The following IL1RL2 variants were observed in gnomAD, a reference collection of about 807,000 sequenced individuals.
IL1RL2 encodes the protein interleukin 1 receptor like 2, also known as interleukin-1 receptor-like 2.
Under a neutral mutation model 66.8 loss-of-function variants are expected in IL1RL2, and 68 were observed. The ratio of observed to expected loss-of-function variants is 1.02; its 90% CI spans 0.84 to 1.25. The LOEUF (loss-of-function observed/expected upper bound fraction) is 1.25, where lower values mean the gene tolerates loss of function less well. IL1RL2 is among the 50% of genes most tolerant of loss of function. The pLI is 0.00. For synonymous variants in IL1RL2, 305 were observed against 264.6 expected (o/e 1.15, Z -1.48); for missense variants, 729 against 709.3 (o/e 1.03, Z -0.32).
chr2:102,218,862 C>T (rs1232143901), intron 6 of IL1RL2, 91 bp from the exon 7 acceptor site: 15 of 1,112,126 alleles, frequency 1.3e-5, no homozygotes, highest in African/African-American at 3.1e-5. Context: ...ATTCGAGGCT[C>T]GAGAGTACGA....
intron 11 of IL1RL2, among the ~76,000 whole-genome samples, 198 bp from the exon 12 acceptor site, chr2:102,238,994 G>A (rs139604188): frequency 5.9e-5 from 9 of 152,292 alleles, no homozygotes; most frequent in Admixed American, 1.3e-4. Context: ...AAAGGTGAGA[G>A]TTGACACTGC....
At chr2:102,211,547 C>T (rs1212204734) in intron 5 of IL1RL2, among the ~76,000 whole-genome samples, 1 of 152,170 alleles carries the variant, frequency 6.6e-6, no homozygotes, top group Non-Finnish European at 1.5e-5. Context: ...TTCATCTTTA[C>T]CTCTACCCAT....
chr2:102,187,562 G>A (rs898076878), intron 1 of IL1RL2, among the ~76,000 whole-genome samples: 3 of 152,148 alleles, frequency 2.0e-5, no homozygotes, highest in African/African-American at 7.2e-5. Context: ...GCTGTCAGGT[G>A]GCAGAAGCAG....
intron 6 of IL1RL2, among the ~76,000 whole-genome samples, chr2:102,216,129 A>G (rs890381633): frequency 4.6e-5 from 7 of 152,252 alleles, no homozygotes; most frequent in Admixed American, 1.3e-4. Context: ...AATACAAGCA[A>G]ATAATTTAAT....
chr2:102,243,051 C>T (rs1242830603), downstream of IL1RL2, among the ~76,000 whole-genome samples: 1 of 152,230 alleles, frequency 6.6e-6, no homozygotes, highest in African/African-American at 2.4e-5. Context: ...GTGTCCCAGG[C>T]TCAAGCCTGA....
At chr2:102,243,073 G>A (rs146509116), downstream of IL1RL2, among the ~76,000 whole-genome samples, 19 of 152,294 alleles carry the variant, frequency 1.2e-4, no homozygotes, top group African/African-American at 4.6e-4. Context: ...TTCCTAGTTT[G>A]GTAATGACAC....
chr2:102,210,329 C>G (rs181652569), intron 5 of IL1RL2, among the ~76,000 whole-genome samples: 1 of 152,234 alleles, frequency 6.6e-6, no homozygotes, highest in East Asian at 1.9e-4. Flanking sequence ...GGGCCAAGAT[C>G]AAGTAGGAAC....
intron 8 of IL1RL2, 38 bp from the exon 9 acceptor site, chr2:102,225,860 A>T: frequency 7.0e-7 from 1 of 1,426,294 alleles, no homozygotes; most frequent in Non-Finnish European, 9.3e-7. Flanking sequence ...TCATTATTAT[A>T]ATTATAATTA....
chr2:102,218,805 A>G (rs755782959), intron 6 of IL1RL2, 148 bp from the exon 7 acceptor site: 13 of 694,766 alleles, frequency 1.9e-5, no homozygotes, highest in Non-Finnish European at 2.4e-5. Flanking sequence ...GAAAGAAAAA[A>G]GTAGATTAAC....
At chr2:102,222,225 G>A (rs1174225489) in intron 8 of IL1RL2, among the ~76,000 whole-genome samples, 3 of 152,156 alleles carry the variant, frequency 2.0e-5, no homozygotes, top group Non-Finnish European at 4.4e-5. Flanking sequence ...ATTAATTTAC[G>A]TTGCCGTATC....
At chr2:102,199,296 T>C (rs367624692) in intron 4 of IL1RL2, among the ~76,000 whole-genome samples, 1 of 152,226 alleles carries the variant, frequency 6.6e-6, no homozygotes, top group African/African-American at 2.4e-5. Context: ...ATTGTCTTAT[T>C]CTCTTGCTCA....
intron 7 of IL1RL2, among the ~76,000 whole-genome samples, chr2:102,219,305 C>A (rs1272395181): frequency 6.6e-6 from 1 of 152,180 alleles, no homozygotes; most frequent in Non-Finnish European, 1.5e-5. Flanking sequence ...AGTCCCATTT[C>A]CATTCAGTTA....
At chr2:102,236,949 G>T (rs1046923033) in intron 11 of IL1RL2, among the ~76,000 whole-genome samples, 1 of 152,204 alleles carries the variant, frequency 6.6e-6, no homozygotes, top group Non-Finnish European at 1.5e-5. Context: ...CAACAGTGCT[G>T]GTCTCCGGGA....
At chr2:102,231,564 G>GTTT (rs11410839) in intron 9 of IL1RL2, among the ~76,000 whole-genome samples, 74 of 149,598 alleles carry the variant, frequency 4.9e-4, no homozygotes, top group African/African-American at 1.6e-3. Context: ...TTCATTGTGA[G>GTTT]TTTTTTTTTT....
rs1010541786 is a variant in IL1RL2 at position 102,192,461 on chromosome 2, C to T, written c.489+341C>T. Among the ~76,000 whole-genome samples the T allele has an allele frequency of 3.2e-4, 49 of 152,124 alleles. 1 individual carries two copies. ...AATAATCACAAATTCTAAGAGGTCA[C>T]CCCCTGGAAAACCTCTTTCCTGCTA... On this transcript the variant is annotated intron_variant, in intron 4 of 11. Transcript: ENST00000264257.
chr2:102,187,992 G>T, intron 2 of IL1RL2, 67 bp downstream of exon 2: 1 of 1,491,394 alleles, frequency 6.7e-7, no homozygotes. Flanking sequence ...CTGTCATTGG[G>T]AGCCCCCGGG....
At chr2:102,201,883 G>A (rs35043678) in intron 5 of IL1RL2, among the ~76,000 whole-genome samples, 168 bp downstream of exon 5, 5,622 of 152,256 alleles carry the variant, frequency 0.037, 365 homozygotes, top group African/African-American at 0.13. Flanking sequence ...GGTGGGAAGA[G>A]TGAGGCAGAA....
chr2:102,228,836 G>C (rs186984056), intron 9 of IL1RL2, among the ~76,000 whole-genome samples: 3 of 152,344 alleles, frequency 2.0e-5, no homozygotes, highest in Non-Finnish European at 2.9e-5. Flanking sequence ...ATTTTCATGA[G>C]AGAACATGGC....
intron 1 of IL1RL2, 117 bp downstream of exon 1, chr2:102,187,203 C>A (rs1257647315): frequency 3.3e-6 from 4 of 1,211,742 alleles, no homozygotes; most frequent in African/African-American, 1.6e-5. Context: ...AGGGATCAGG[C>A]CCCCCAGGCC....
Sources: allele counts gnomAD v4.1 joint callset (sites outside exome capture counted in the v4.1 genomes callset), GRCh38; gene constraint gnomAD v4.1.1; transcripts MANE v1.5; gene names NCBI Gene and HGNC (gene_info 2026-07-23, HGNC 2026-07-21).